The following SLC25A21 variants were observed in gnomAD, a reference collection of about 807,000 sequenced individuals.
SLC25A21 encodes the protein mitochondrial 2-oxodicarboxylate carrier.
Under a neutral mutation model 43.8 loss-of-function variants are expected in SLC25A21, and 47 were observed. The ratio of observed to expected loss-of-function variants is 1.07; its 90% CI spans 0.85 to 1.37. The LOEUF (loss-of-function observed/expected upper bound fraction) is 1.37. Among genes scored for constraint, SLC25A21 ranks in the 40% most tolerant of loss-of-function variants. The pLI is 0.00. For synonymous variants in SLC25A21, 131 were observed against 121.3 expected (o/e 1.08, Z -0.52); for missense variants, 352 against 350.2 (o/e 1.00, Z -0.04).
chr14:37,106,843 T>C (rs898469212), intron 1 of SLC25A21, among the ~76,000 whole-genome samples: 2 of 152,150 alleles, frequency 1.3e-5, no homozygotes, highest in Non-Finnish European at 2.9e-5. Context: ...AGCTGTAAAA[T>C]TCCTCTCTTT....
intron 1 of SLC25A21, among the ~76,000 whole-genome samples, chr14:37,128,581 T>C (rs1963339555): frequency 6.7e-6 from 1 of 148,886 alleles, no homozygotes; most frequent in Non-Finnish European, 1.5e-5. Context: ...TGTGTGTGCA[T>C]TTTGCTTTGT....
chr14:36,918,025 T>C (rs183455558), intron 1 of SLC25A21, among the ~76,000 whole-genome samples: 118 of 152,282 alleles, frequency 7.7e-4, no homozygotes, highest in African/African-American at 2.5e-3. Context: ...TGTATACGCA[T>C]ATCTACAGCC....
At chr14:36,903,649 C>T (rs566785439) in intron 1 of SLC25A21, among the ~76,000 whole-genome samples, 1,307 of 126,672 alleles carry the variant, frequency 0.01, 23 homozygotes, top group African/African-American at 0.037. Flanking sequence ...AAAAATTGGT[C>T]GCCAAAATTT....
At chr14:37,087,045 G>GA (rs762627540) in intron 1 of SLC25A21, among the ~76,000 whole-genome samples, 11 of 152,098 alleles carry the variant, frequency 7.2e-5, no homozygotes, top group Non-Finnish European at 1.2e-4. Context: ...TAACCTAGGA[G>GA]AAAAAAGAGT....
At chr14:36,782,005 T>G (rs1887081639) in intron 3 of SLC25A21, among the ~76,000 whole-genome samples, 2 of 152,218 alleles carry the variant, frequency 1.3e-5, no homozygotes, top group South Asian at 4.1e-4. Flanking sequence ...CTTTGTCAGG[T>G]AAGAGTCTTG....
chr14:37,158,081 T>C (rs1361518265), intron 1 of SLC25A21, among the ~76,000 whole-genome samples: 1 of 152,050 alleles, frequency 6.6e-6, no homozygotes, highest in Admixed American at 6.6e-5. Flanking sequence ...CAAGATTGAA[T>C]CAGTAATAAA....
chr14:37,040,375 GAA>G (rs1424264546), intron 1 of SLC25A21, among the ~76,000 whole-genome samples: 323 of 30,336 alleles, frequency 0.011, 10 homozygotes, highest in Admixed American at 0.03. Flanking sequence ...GAGAGAGAGA[GAA>G]AGAAAGAAAG....
At chr14:36,784,281 C>T (rs1315440822) in intron 3 of SLC25A21, among the ~76,000 whole-genome samples, 1 of 152,192 alleles carries the variant, frequency 6.6e-6, no homozygotes, top group Non-Finnish European at 1.5e-5. Flanking sequence ...ATCAGGCTTG[C>T]TATGCAAGAA....
At chr14:37,117,983 C>T (rs1963136817) in intron 1 of SLC25A21, among the ~76,000 whole-genome samples, 1 of 151,636 alleles carries the variant, frequency 6.6e-6, no homozygotes, top group Non-Finnish European at 1.5e-5. Flanking sequence ...TATGGATTCC[C>T]CTCCTCCCAA....
At chr14:36,996,353 T>C (rs542829612) in intron 1 of SLC25A21, among the ~76,000 whole-genome samples, 1 of 152,304 alleles carries the variant, frequency 6.6e-6, no homozygotes, top group East Asian at 1.9e-4. Flanking sequence ...AGAATTACTT[T>C]CTATTGCATA....
At chr14:36,886,090 A>C (rs1479937469) in intron 1 of SLC25A21, among the ~76,000 whole-genome samples, 5 of 152,216 alleles carry the variant, frequency 3.3e-5, no homozygotes, top group African/African-American at 1.2e-4. Context: ...AAACAGAACA[A>C]CTACAGACAG....
chr14:37,016,577 T>C (rs1443085477), intron 1 of SLC25A21, among the ~76,000 whole-genome samples: 1 of 152,036 alleles, frequency 6.6e-6, no homozygotes, highest in Non-Finnish European at 1.5e-5. Context: ...ATTTTCAAAA[T>C]AATCAGTGAG....
At chr14:37,137,826 A>T (rs1401882844) in intron 1 of SLC25A21, among the ~76,000 whole-genome samples, 1 of 152,194 alleles carries the variant, frequency 6.6e-6, no homozygotes, top group Admixed American at 6.5e-5. Context: ...ACCATTTAAC[A>T]TGTCTGTATG....
At chr14:37,149,449 C>A (rs1002777859) in intron 1 of SLC25A21, among the ~76,000 whole-genome samples, 5 of 149,144 alleles carry the variant, frequency 3.4e-5, no homozygotes, top group Non-Finnish European at 7.5e-5. Flanking sequence ...ACTGCTCCAT[C>A]AAAAAAAAAA....
chr14:37,040,245 A>AG (rs1319908894), intron 1 of SLC25A21, among the ~76,000 whole-genome samples: 5 of 29,298 alleles, frequency 1.7e-4, no homozygotes, highest in South Asian at 1.8e-3. Context: ...GGAGGAAGGG[A>AG]GGAAGGGAGG....
chr14:36,681,069 T>G (rs1882229768), intron 9 of SLC25A21, among the ~76,000 whole-genome samples: 1 of 152,152 alleles, frequency 6.6e-6, no homozygotes, highest in Non-Finnish European at 1.5e-5. Flanking sequence ...AACCTTCAGA[T>G]TCTTCATGTG....
At chr14:37,128,328 A>C (rs1006130788) in intron 1 of SLC25A21, among the ~76,000 whole-genome samples, 15 of 152,300 alleles carry the variant, frequency 9.8e-5, no homozygotes, top group Middle Eastern at 3.4e-3. Context: ...CAGAGCTGTA[A>C]GACAATATAT....
intron 1 of SLC25A21, among the ~76,000 whole-genome samples, chr14:37,067,575 G>T (rs1962086384): frequency 6.6e-6 from 1 of 152,104 alleles, no homozygotes; most frequent in African/African-American, 2.4e-5. Context: ...AGTGATCCCA[G>T]ATGGAAAATC....
intron 1 of SLC25A21, among the ~76,000 whole-genome samples, chr14:37,066,338 C>T (rs1962059755): frequency 6.6e-6 from 1 of 152,026 alleles, no homozygotes; most frequent in African/African-American, 2.4e-5. Context: ...TAAGAAAATG[C>T]TCCAGATTTA....
Sources: gnomAD v4.1 joint callset for allele counts (sites outside exome capture counted in the v4.1 genomes callset) on GRCh38, gnomAD v4.1.1 for gene constraint, MANE v1.5 for transcripts, NCBI Gene and HGNC (gene_info 2026-07-23, HGNC 2026-07-21) for gene names.